ZNF626: variants seen among roughly 807,000 people sequenced by gnomAD.
ZNF626 encodes the protein zinc finger protein 626.
Under a neutral mutation model 11.7 loss-of-function variants are expected in ZNF626, and 4 were observed. That is an observed-to-expected ratio of 0.34 (90% CI 0.17 to 0.78). The LOEUF is 0.78. ZNF626 is among the 30% of genes least tolerant of loss of function. The probability of loss-of-function intolerance (pLI) is 0.57; values close to 1 mark genes in which losing one functional copy is unlikely to be tolerated. For missense variants in ZNF626, 588 were observed against 587.1 expected, an observed-to-expected ratio of 1.00 and a Z score of -0.01; for synonymous variants, 179 against 198.6, an observed-to-expected ratio of 0.90 and a Z score of 0.83.
At chr19:20,638,847 C>A (rs1969993772) in intron 3 of ZNF626, among the ~76,000 whole-genome samples, 1 of 151,746 alleles carries the variant, frequency 6.6e-6, no homozygotes, top group African/African-American at 2.4e-5. Flanking sequence ...ACATCAAGAC[C>A]CCATTTGCAG....
chr19:20,660,340 T>C (rs1970251874), intron 1 of ZNF626, among the ~76,000 whole-genome samples: 1 of 150,102 alleles, frequency 6.7e-6, no homozygotes, highest in Admixed American at 6.6e-5. Context: ...CCACATCAGT[T>C]ATTCACTTGG....
intron 2 of ZNF626, 87 bp downstream of exon 2, chr19:20,646,192 T>C (rs1970075049): frequency 3.5e-5 from 48 of 1,390,838 alleles, no homozygotes; most frequent in Non-Finnish European, 4.2e-5. Flanking sequence ...AACTCTTTTA[T>C]GCAAAGAATA....
chr19:20,629,495 C>T (rs1969878551), intron 3 of ZNF626, among the ~76,000 whole-genome samples: 1 of 152,210 alleles, frequency 6.6e-6, no homozygotes, highest in Non-Finnish European at 1.5e-5. Flanking sequence ...AGAGGTCCTT[C>T]ACATCCCTTG....
At chr19:20,626,642 G>C (rs1326929488) in intron 3 of ZNF626, among the ~76,000 whole-genome samples, 2 of 152,068 alleles carry the variant, frequency 1.3e-5, no homozygotes, top group Non-Finnish European at 2.9e-5. Flanking sequence ...AGAATTGCTT[G>C]AACCTGGGAG....
chr19:20,648,805 T>A (rs1240749408), intron 1 of ZNF626, among the ~76,000 whole-genome samples: 1 of 152,176 alleles, frequency 6.6e-6, no homozygotes, highest in Admixed American at 6.5e-5. Flanking sequence ...TCCACATCTT[T>A]CCATGTTCAA....
chr19:20,629,290 TTAAAG>T (rs1231507049), intron 3 of ZNF626, among the ~76,000 whole-genome samples: 4 of 152,164 alleles, frequency 2.6e-5, no homozygotes, highest in Admixed American at 1.3e-4. Context: ...CATATGAACT[TTAAAG>T]TAGTTTTTTC....
chr19:20,658,632 G>C (rs1194913630), intron 1 of ZNF626, among the ~76,000 whole-genome samples: 1 of 152,162 alleles, frequency 6.6e-6, no homozygotes, highest in Non-Finnish European at 1.5e-5. Flanking sequence ...AATACCCAGA[G>C]CTTTGTTCCA....
chr19:20,652,784 T>A (rs541243131), intron 1 of ZNF626, among the ~76,000 whole-genome samples: 1 of 152,298 alleles, frequency 6.6e-6, no homozygotes, highest in East Asian at 1.9e-4. Context: ...AGCTGCAGAT[T>A]TAGGGCTTGA....
intron 3 of ZNF626, among the ~76,000 whole-genome samples, chr19:20,628,974 C>G (rs1467682740): frequency 3.3e-5 from 5 of 152,054 alleles, no homozygotes; most frequent in African/African-American, 9.7e-5. Context: ...GTGTAAGGAA[C>G]GGATCCAGTT....
At position 20,624,925 on chromosome 19, in the gene ZNF626, A is replaced by G; in HGVS notation, c.952T>C (p.Cys318Arg). 6.2e-7 allele frequency: 1 copy of G among 1,613,772 alleles called. No homozygotes were observed. The highest frequency in any genetic ancestry group is 1.1e-5 in the South Asian group (1 of 91,058). The change falls in exon 4 of 4, where the codon TGT becomes CGT. Residue 318 changes from cysteine (C) to arginine (R), a missense_variant. Physicochemically the swap from Cys to Arg is radical, Grantham distance 180. This residue lies in a region of ZNF626 where 524 missense variants were observed against 470.1 expected (regional missense o/e 1.11). Transcript: ENST00000601440. ...TAGGAGTACTTAAAGGCTTTGTCAC[A>G]TTCTTCACATTTGTAGGGTTTTTCT... ...TGEKPYKCEE[C>R]DKAFKYSYTL... is the part of the protein sequence containing the mutation.
intron 3 of ZNF626, among the ~76,000 whole-genome samples, chr19:20,627,998 C>T (rs564141502): frequency 1.1e-4 from 16 of 152,084 alleles, no homozygotes; most frequent in South Asian, 4.1e-4. Flanking sequence ...TCTCATTGTT[C>T]AATTCCCACC....
chr19:20,642,747 G>C (rs1056420698), intron 3 of ZNF626, among the ~76,000 whole-genome samples: 1 of 151,990 alleles, frequency 6.6e-6, no homozygotes. Flanking sequence ...GGCCAGGCGC[G>C]GTGGCTCATG....
At position 20,627,827 on chromosome 19, in the gene ZNF626, G is replaced by A. The variant is rs144858183; in HGVS notation, c.227-2177C>T. Among the ~76,000 whole-genome samples, 443 of 152,088 alleles carry A rather than the reference G, an allele frequency of 2.9e-3. 1 individual carries two copies. Among genetic ancestry groups the A allele is most frequent in the African/African-American group, 9.6e-3 (399 of 41,492 alleles). On this transcript the variant is annotated intron_variant, in intron 3 of 3. Coordinates refer to ENST00000601440, the MANE Select transcript of ZNF626 (RefSeq NM_001076675.3). ...AAGTTTTAGGGTACATGTGCACAAC[G>A]TGCAGGTTTGTTACATATGTATACT...
intron 1 of ZNF626, among the ~76,000 whole-genome samples, chr19:20,654,851 C>T (rs1209139151): frequency 1.3e-5 from 2 of 152,094 alleles, no homozygotes; most frequent in Non-Finnish European, 2.9e-5. Flanking sequence ...TGGCTCACGC[C>T]TGTAATCCCA....
rs1333631278 is a variant in ZNF626, at chr19:20,623,990, A to C, written c.*300T>G. 2 of 547,814 alleles carry C rather than the reference A, an allele frequency of 3.7e-6. No individual in the cohort carries two copies. The highest frequency in any genetic ancestry group is 3.8e-5 in the African/African-American group (2 of 52,830). 33.9% of individuals were successfully genotyped at this position (547,814 alleles called of 1,614,324 possible). A position where few individuals can be genotyped will look rare whatever the true frequency, so the allele number is the denominator to read the frequency against. On this transcript the variant is annotated 3_prime_UTR_variant, in exon 4 of 4. Coordinates refer to ENST00000601440, the MANE Select transcript of ZNF626 (RefSeq NM_001076675.3). ...TAGTTAGAAATTGAGGGCTGGTTAA[A>C]AGATTTTCCCCATTCATCACATTCA...
At chr19:20,660,360 CTAAG>C (rs1423818672) in intron 1 of ZNF626, among the ~76,000 whole-genome samples, 5 of 150,842 alleles carry the variant, frequency 3.3e-5, no homozygotes, top group Non-Finnish European at 7.4e-5. Context: ...GTTTTTGAAA[CTAAG>C]TGTTAGAAAC....
At position 20,624,108 on chromosome 19, in the gene ZNF626, C is replaced by T; in HGVS notation, c.*182G>A. On this transcript the variant is annotated 3_prime_UTR_variant, in exon 4 of 4. Transcript: ENST00000601440. Reference sequence around the variant, plus strand: ...CACATTATTCACATCTGTAGGGTTTCTCTCCAGTATGAAATCTCTTATGTG... The same window carrying T: ...CACATTATTCACATCTGTAGGGTTTTTCTCCAGTATGAAATCTCTTATGTG... 1 of 1,023,272 alleles carries T rather than the reference C, an allele frequency of 9.8e-7. No homozygotes were observed. Among genetic ancestry groups the T allele is most frequent in the Non-Finnish European group, 1.5e-6 (1 of 646,282 alleles). 63.4% of individuals were successfully genotyped at this position (1,023,272 alleles called of 1,614,324 possible).
chr19:20,648,961 T>C (rs1555772251), intron 1 of ZNF626, among the ~76,000 whole-genome samples: 1 of 152,192 alleles, frequency 6.6e-6, no homozygotes, highest in African/African-American at 2.4e-5. Flanking sequence ...TTGACTATCG[T>C]AAGAATTTAA....
intron 1 of ZNF626, among the ~76,000 whole-genome samples, chr19:20,649,416 T>A (rs1970121367): frequency 6.6e-6 from 1 of 152,080 alleles, no homozygotes; most frequent in South Asian, 2.1e-4. Context: ...GTAATGGAAA[T>A]AAGCGCCACA....
Sources: gnomAD v4.1 joint callset for allele counts (sites outside exome capture counted in the v4.1 genomes callset) on GRCh38, gnomAD v4.1.1 for gene constraint, gnomAD v4.1.1 regional missense constraint, MANE v1.5 for transcripts, NCBI Gene and HGNC (gene_info 2026-07-23, HGNC 2026-07-21) for gene names.